CARNMT1: variants seen among roughly 807,000 people sequenced by gnomAD.
The protein encoded by CARNMT1 is protein-L-histidine N-pros-methyltransferase CARNMT1.
In CARNMT1, 28 loss-of-function variants were observed where a neutral mutation model predicts 49.6. The ratio of observed to expected loss-of-function variants is 0.56; its 90% CI spans 0.42 to 0.77. The LOEUF is 0.77. Ranked by LOEUF, CARNMT1 falls within the 30% of genes least tolerant of loss-of-function variation. CARNMT1 has a pLI of 0.00. For missense variants in CARNMT1, 421 were observed against 512.6 expected (o/e 0.82, Z 1.73); for synonymous variants, 178 against 175.0 (o/e 1.02, Z -0.13).
Position 75,028,291 on chromosome 9 carries a change from A to T in CARNMT1, c.-50T>A. On this transcript the variant is annotated 5_prime_UTR_variant, in exon 1 of 8. Transcript: ENST00000376834. ...TCGCTTGCGTCTCTCCGCGACCGAC[A>T]GCGTGGTGGCGGCTGCTTGGCCTTC... 7.5e-7 allele frequency: 1 copy of T among 1,337,164 alleles called. No individual in the cohort carries two copies. Among genetic ancestry groups the T allele is most frequent in the Non-Finnish European group, 9.5e-7 (1 of 1,049,316 alleles). 82.8% of individuals were successfully genotyped at this position (1,337,164 alleles called of 1,614,324 possible).
At chr9:75,018,786 G>C (rs916535373) in intron 1 of CARNMT1, among the ~76,000 whole-genome samples, 1 of 152,062 alleles carries the variant, frequency 6.6e-6, no homozygotes, top group Non-Finnish European at 1.5e-5. Flanking sequence ...TGGCCAACAC[G>C]GTGAAACCCC....
At chr9:74,990,134 G>C (rs565199757) in intron 6 of CARNMT1, among the ~76,000 whole-genome samples, 1 of 152,204 alleles carries the variant, frequency 6.6e-6, no homozygotes, top group Admixed American at 6.5e-5. Context: ...TGGTGAGAGG[G>C]GATCCCCCCG....
chr9:75,018,752 G>A (rs1189436361), intron 1 of CARNMT1, among the ~76,000 whole-genome samples: 3 of 152,120 alleles, frequency 2.0e-5, no homozygotes, highest in Non-Finnish European at 4.4e-5. Context: ...CGGATCACTT[G>A]AGGTCAGAAG....
At chr9:75,001,280 G>C (rs1175053277) in intron 3 of CARNMT1, among the ~76,000 whole-genome samples, 1 of 152,144 alleles carries the variant, frequency 6.6e-6, no homozygotes, top group Non-Finnish European at 1.5e-5. Context: ...GCAGGAGTTA[G>C]AAATTATGCT....
Position 74,998,625 on chromosome 9 carries a change from C to A in CARNMT1, c.883G>T (p.Asp295Tyr). The A allele has an allele frequency of 1.3e-6, 2 of 1,590,340 alleles. No individual in the cohort carries two copies. The highest frequency in any genetic ancestry group is 1.9e-5 in the Admixed American group (1 of 53,856). ...PGSNFSMTAG[D>Y]FQEIYSECNT... The stretch of plus-strand genomic sequence containing the variant: ...CATTCTGAATAAATCTCTTGAAAAT[C>A]TCCTGCTGTCATAGAAAAGTTAGAA... Residue 295 changes from aspartate to tyrosine, a missense_variant, in exon 5 of 8, where the codon GAT (aspartate) becomes TAT (tyrosine). Physicochemically the swap from Asp to Tyr is radical, Grantham distance 160. Transcript: ENST00000376834.
chr9:75,017,511 T>C (rs1587301472), intron 1 of CARNMT1, 63 bp from the exon 2 acceptor site: 2 of 1,366,660 alleles, frequency 1.5e-6, no homozygotes, highest in African/African-American at 2.9e-5. Context: ...CAATCTTACT[T>C]TAAGGTTGTC....
At chr9:75,028,308 T>C, upstream of CARNMT1, 2 of 1,330,146 alleles carry the variant, frequency 1.5e-6, no homozygotes, top group Non-Finnish European at 1.9e-6. Context: ...TGGCGGCTGC[T>C]TGGCCTTCCT....
intron 3 of CARNMT1, among the ~76,000 whole-genome samples, chr9:75,013,572 G>GA (rs71497372): frequency 0.057 from 8,295 of 146,168 alleles, 424 homozygotes; most frequent in East Asian, 0.26. Flanking sequence ...CTTCAGCTGG[G>GA]AAAAAAAAAA....
intron 1 of CARNMT1, chr9:75,027,186 C>T: frequency 8.3e-7 from 1 of 1,210,634 alleles, no homozygotes; most frequent in Non-Finnish European, 1.1e-6. Context: ...CCTTTCAGCT[C>T]TTGGAATTAT....
chr9:75,017,203 TAC>T (rs1253528186), intron 2 of CARNMT1, 48 bp downstream of exon 2: 1 of 1,413,576 alleles, frequency 7.1e-7, no homozygotes, highest in Non-Finnish European at 9.9e-7. Context: ...GACCTCAAAA[TAC>T]AGAGGTTGAC....
At chr9:75,021,362 A>G (rs983902324) in intron 1 of CARNMT1, among the ~76,000 whole-genome samples, 1 of 146,810 alleles carries the variant, frequency 6.8e-6, no homozygotes, top group Admixed American at 6.9e-5. Context: ...TACCATATAT[A>G]TTATATACAT....
At chr9:75,015,812 A>C (rs1833831429) in intron 3 of CARNMT1, 1 of 149,866 alleles carries the variant, frequency 6.7e-6, no homozygotes, top group African/African-American at 2.4e-5. Context: ...ATAAATAAAT[A>C]AATAAAATAA....
chr9:75,023,518 G>T (rs1458060460), intron 1 of CARNMT1, among the ~76,000 whole-genome samples: 1 of 152,188 alleles, frequency 6.6e-6, no homozygotes, highest in Non-Finnish European at 1.5e-5. Context: ...AGCAGGATGA[G>T]ATCCTTAAAC....
At chr9:75,011,589 A>AC (rs1833692747) in intron 3 of CARNMT1, among the ~76,000 whole-genome samples, 2 of 152,140 alleles carry the variant, frequency 1.3e-5, no homozygotes, top group Admixed American at 6.5e-5. Flanking sequence ...GTTGGTCTTG[A>AC]ATTCCTGGCC....
chr9:74,988,857 G>C (rs1378163793), intron 6 of CARNMT1, among the ~76,000 whole-genome samples: 1 of 152,156 alleles, frequency 6.6e-6, no homozygotes, highest in Non-Finnish European at 1.5e-5. Flanking sequence ...CTAAATGTAT[G>C]AATATTTAAG....
intron 1 of CARNMT1, chr9:75,027,398 T>TA: frequency 1.0e-6 from 1 of 984,752 alleles, no homozygotes; most frequent in Non-Finnish European, 1.2e-6. Context: ...TAGCAAATTT[T>TA]AGAATATCCG....
intron 6 of CARNMT1, among the ~76,000 whole-genome samples, chr9:74,988,275 AT>A (rs931412089): frequency 2.0e-5 from 3 of 152,022 alleles, no homozygotes; most frequent in African/African-American, 7.2e-5. Context: ...TTTTTCTTTG[AT>A]TATAAGATCA....
chr9:74,998,761 A>G lies in CARNMT1; in HGVS notation c.747T>C (p.Asn249=). The G allele has an allele frequency of 6.6e-7, 1 of 1,525,236 alleles. No individual in the cohort carries two copies. The highest frequency in any genetic ancestry group is 8.8e-7 in the Non-Finnish European group (1 of 1,132,114). 94.5% of individuals were successfully genotyped at this position (1,525,236 alleles called of 1,614,324 possible). A position where few individuals can be genotyped will look rare whatever the true frequency, so the allele number is the denominator to read the frequency against. The stretch of plus-strand genomic sequence containing the variant: ...GGATCCAAGGATAAAGTTTATATTT[A>G]TTAATTTCAGAACATCTGCAAAATA... The part of the protein sequence containing the change: ...NFVLNRCSEI[N]KYKLYPWIHQ... The change falls in exon 5 of 8, where the codon AAT becomes AAC. Residue 249 remains asparagine, a synonymous_variant. Transcript: ENST00000376834.
chr9:74,994,947 T>C (rs905113477), intron 6 of CARNMT1, among the ~76,000 whole-genome samples: 1 of 152,162 alleles, frequency 6.6e-6, no homozygotes, highest in Non-Finnish European at 1.5e-5. Flanking sequence ...AGTCACACTA[T>C]AGTACATCTA....
Sources: allele counts gnomAD v4.1 joint callset (sites outside exome capture counted in the v4.1 genomes callset), GRCh38; gene constraint gnomAD v4.1.1; transcripts MANE v1.5; gene names NCBI Gene and HGNC (gene_info 2026-07-23, HGNC 2026-07-21).